EGFLAM: variants seen among roughly 807,000 people sequenced by gnomAD.
The protein encoded by EGFLAM is EGF like, fibronectin type III and laminin G domains.
EGFLAM carries 79 observed loss-of-function variants against 113.1 expected under a neutral mutation model. The ratio of observed to expected loss-of-function variants is 0.70; its 90% CI spans 0.58 to 0.84. The LOEUF (loss-of-function observed/expected upper bound fraction) is 0.84, where lower values mean the gene tolerates loss of function less well. Ranked by LOEUF, EGFLAM falls within the 40% of genes least tolerant of loss-of-function variation. The probability of loss-of-function intolerance (pLI) is 0.00; values close to 1 mark genes in which losing one functional copy is unlikely to be tolerated. For missense variants in EGFLAM, 1,265 were observed against 1,291.6 expected (o/e 0.98, Z 0.32); for synonymous variants, 504 against 487.6 (o/e 1.03, Z -0.44).
At chr5:38,268,910 T>C (rs1220428232) in intron 1 of EGFLAM, among the ~76,000 whole-genome samples, 1 of 152,198 alleles carries the variant, frequency 6.6e-6, no homozygotes, top group African/African-American at 2.4e-5. Flanking sequence ...TTGGCCAGGC[T>C]CAGTGTCTCA....
At chr5:38,440,409 A>G (rs1742494973) in intron 17 of EGFLAM, among the ~76,000 whole-genome samples, 1 of 152,180 alleles carries the variant, frequency 6.6e-6, no homozygotes, top group Non-Finnish European at 1.5e-5. Context: ...GGGCTCTGCA[A>G]CAATTTTTCC....
rs148153159 is a variant in EGFLAM at position 38,437,850 on chromosome 5, G to A, written c.2284-425G>A. Among the ~76,000 whole-genome samples, 868 of 152,242 alleles carry A rather than the reference G, an allele frequency of 5.7e-3. 7 individuals are homozygous for A. Among genetic ancestry groups the A allele is most frequent in the Non-Finnish European group, 8.0e-3 (543 of 68,016 alleles). ...TATGAAAGTAGAAACTAGGCCTGGC[G>A]CGGTGGCTCACGCCTGTAATCCCAG... On this transcript the variant is annotated intron_variant, in intron 16 of 21. Coordinates refer to ENST00000322350, the MANE Select transcript of EGFLAM (RefSeq NM_152403.4).
intron 1 of EGFLAM, among the ~76,000 whole-genome samples, chr5:38,279,967 G>A (rs184523243): frequency 5.3e-5 from 8 of 152,136 alleles, no homozygotes; most frequent in Admixed American, 1.3e-4. Flanking sequence ...ACATTATGTT[G>A]TGCATAATAA....
chr5:38,409,112 C>T lies in EGFLAM; in HGVS notation c.1349+8C>T, dbSNP rs911941441. The T allele has an allele frequency of 5.8e-6, 9 of 1,554,480 alleles. No homozygotes were observed. The Admixed American group carries it at 5.8e-5, about 10-fold the overall frequency. On this transcript the variant is annotated splice_region_variant and intron_variant, in intron 10 of 21. Coordinates refer to ENST00000322350, the MANE Select transcript of EGFLAM (RefSeq NM_152403.4). ...ACGCTCCCTGCAGTTCAGGTAATTCCTGCCAAAAGCCTCACACTCTTTTTT... is the reference window on the plus strand; with the variant it reads ...ACGCTCCCTGCAGTTCAGGTAATTCTTGCCAAAAGCCTCACACTCTTTTTT...
chr5:38,427,425 T>C (rs934483120), intron 14 of EGFLAM, 173 bp downstream of exon 14: 13 of 1,068,050 alleles, frequency 1.2e-5, no homozygotes, highest in Non-Finnish European at 1.6e-5. Context: ...AGGCTTCCTA[T>C]AGAGAGTGCT....
chr5:38,322,196 G>A (rs193158251), intron 1 of EGFLAM, among the ~76,000 whole-genome samples: 5 of 152,244 alleles, frequency 3.3e-5, no homozygotes, highest in East Asian at 1.9e-4. Context: ...ACAGCAACCC[G>A]TTGGCCACCC....
At chr5:38,351,291 T>G (rs1021190253) in intron 4 of EGFLAM, among the ~76,000 whole-genome samples, 1 of 151,988 alleles carries the variant, frequency 6.6e-6, no homozygotes, top group African/African-American at 2.4e-5. Context: ...GCATTTTTAG[T>G]AGAGATGGGG....
At chr5:38,456,408 C>T (rs955945017) in intron 19 of EGFLAM, among the ~76,000 whole-genome samples, 10 of 152,166 alleles carry the variant, frequency 6.6e-5, no homozygotes, top group Non-Finnish European at 1.2e-4. Context: ...AGTTTCTGCC[C>T]ACCAGCAACT....
intron 5 of EGFLAM, among the ~76,000 whole-genome samples, chr5:38,362,217 A>C (rs1739942033): frequency 6.6e-6 from 1 of 152,236 alleles, no homozygotes; most frequent in Non-Finnish European, 1.5e-5. Flanking sequence ...GATGTGGTAA[A>C]GCTTCAAATA....
intron 5 of EGFLAM, among the ~76,000 whole-genome samples, chr5:38,356,621 T>G (rs1383518878): frequency 6.6e-6 from 1 of 152,190 alleles, no homozygotes; most frequent in Non-Finnish European, 1.5e-5. Flanking sequence ...AGATGGAAGC[T>G]TAGACCCAGC....
chr5:38,267,105 A>G (rs1284090260), intron 1 of EGFLAM, among the ~76,000 whole-genome samples: 2 of 152,220 alleles, frequency 1.3e-5, no homozygotes, highest in Non-Finnish European at 2.9e-5. Flanking sequence ...GCAAGGATAT[A>G]CATCCCAGTG....
rs758620907 is a variant in EGFLAM at position 38,352,284 on chromosome 5, G to A, written c.498G>A (p.Ala166=). 2.0e-5 allele frequency: 32 copies of A among 1,613,964 alleles called. No homozygotes were observed. Among genetic ancestry groups the A allele is most frequent in the African/African-American group, 2.7e-5 (2 of 74,884 alleles). ...TGGCCCTGTCTTGGAAACCTGGAGC[G>A]AGTGAAGGAAGCGCCCCTATTCAGT... The part of the protein sequence containing the change: ...SEVALSWKPG[A]SEGSAPIQYY... Residue 166 remains alanine, a synonymous_variant, in exon 5 of 22, where the codon GCG becomes GCA. Coordinates refer to ENST00000322350, the MANE Select transcript of EGFLAM (RefSeq NM_152403.4).
intron 6 of EGFLAM, among the ~76,000 whole-genome samples, chr5:38,378,293 G>A (rs952797647): frequency 3.3e-5 from 5 of 152,064 alleles, no homozygotes; most frequent in Admixed American, 2.6e-4. Context: ...TGTGAGTCTG[G>A]CTTTTGCCCA....
intron 5 of EGFLAM, among the ~76,000 whole-genome samples, chr5:38,369,517 GATGC>G (rs1199065018): frequency 3.9e-5 from 6 of 152,316 alleles, no homozygotes; most frequent in Admixed American, 1.3e-4. Flanking sequence ...TTTACAATTT[GATGC>G]CAGGTACTAG....
chr5:38,438,134 A>AG (rs1681970891), intron 16 of EGFLAM, 141 bp from the exon 17 acceptor site: 1 of 776,532 alleles, frequency 1.3e-6, no homozygotes, highest in East Asian at 3.1e-5. Flanking sequence ...AAAAAAAAAA[A>AG]AAAAAAGTGG....
intron 1 of EGFLAM, among the ~76,000 whole-genome samples, chr5:38,295,999 G>T (rs186372151): frequency 1.6e-4 from 24 of 152,278 alleles, no homozygotes; most frequent in Non-Finnish European, 3.2e-4. Flanking sequence ...GTGGTTGGGT[G>T]GGGGACGGGT....
intron 5 of EGFLAM, among the ~76,000 whole-genome samples, chr5:38,368,206 T>G (rs906163284): frequency 6.6e-6 from 1 of 152,238 alleles, no homozygotes; most frequent in African/African-American, 2.4e-5. Context: ...CCCTGTGGTT[T>G]TCCTCTGCGA....
chr5:38,299,210 C>T (rs1758516161), intron 1 of EGFLAM, among the ~76,000 whole-genome samples: 1 of 152,166 alleles, frequency 6.6e-6, no homozygotes, highest in Non-Finnish European at 1.5e-5. Flanking sequence ...GTGTAACACA[C>T]AAGGAAGAAT....
intron 19 of EGFLAM, among the ~76,000 whole-genome samples, chr5:38,453,758 G>C (rs958977981): frequency 6.6e-6 from 1 of 152,120 alleles, no homozygotes; most frequent in African/African-American, 2.4e-5. Context: ...GCCCAGAAAA[G>C]AGAACCGAAA....
Sources: allele counts gnomAD v4.1 joint callset (sites outside exome capture counted in the v4.1 genomes callset), GRCh38; gene constraint gnomAD v4.1.1; transcripts MANE v1.5; gene names NCBI Gene and HGNC (gene_info 2026-07-23, HGNC 2026-07-21).